CYP2A13: variants seen among roughly 807,000 people sequenced by gnomAD.
CYP2A13 encodes cytochrome P450 family 2 subfamily A member 13.
CYP2A13 carries 30 observed loss-of-function variants against 39.4 expected under a neutral mutation model. The observed-to-expected ratio is 0.76, with a 90% CI of 0.57 to 1.03. CYP2A13 has a LOEUF of 1.03. CYP2A13 is among the 50% of genes least tolerant of loss of function. The pLI is 0.00. For missense variants in CYP2A13, 731 were observed against 648.4 expected (o/e 1.13, Z -1.38); for synonymous variants, 269 against 254.7 (o/e 1.06, Z -0.54).
rs577367548 is a variant in CYP2A13 at position 41,096,083 on chromosome 19, A to T, written c.*142A>T. ...GAGGTGGTTAGAGGGAACAGAAGAA[A>T]CAGAAGGGGCTCAGTTCACCTTGAT... On this transcript the variant is annotated 3_prime_UTR_variant, in exon 9 of 9. Coordinates refer to ENST00000330436, the MANE Select transcript of CYP2A13 (RefSeq NM_000766.5). 1.6e-4 allele frequency: 204 copies of T among 1,265,874 alleles called. 1 individual carries two copies. The East Asian group carries it at 4.8e-3, about 30-fold the overall frequency. 78.4% of individuals were successfully genotyped at this position (1,265,874 alleles called of 1,614,324 possible). A position where few individuals can be genotyped will look rare whatever the true frequency, so the allele number is the denominator to read the frequency against.
rs113799141 is a variant in CYP2A13, at chr19:41,091,618, G to C, written c.655-114G>C. On this transcript the variant is annotated intron_variant, in intron 4 of 8. Transcript: ENST00000330436. ...ACCCCACTGAAATACCTAAACACCT[G>C]GACAGATGCCTTTAACTCCGTTCCT... 6.7e-6 allele frequency: 10 copies of C among 1,481,832 alleles called. No homozygotes were observed. In the East Asian group the frequency reaches 1.8e-4, roughly 27 times the overall value. 91.8% of individuals were successfully genotyped at this position (1,481,832 alleles called of 1,614,324 possible).
intron 3 of CYP2A13, 82 bp downstream of exon 3, chr19:41,090,278 CACTT>C: frequency 5.8e-6 from 9 of 1,560,556 alleles, no homozygotes; most frequent in Non-Finnish European, 4.3e-6. Context: ...AAGGGGCCCG[CACTT>C]CCAGCCCTGG....
rs2031200849 is a variant in CYP2A13 at position 41,091,988 on chromosome 19, A to G, written c.831+80A>G. The G allele has an allele frequency of 5.9e-5, 93 of 1,567,850 alleles. 3 individuals carry two copies. In the South Asian group the frequency reaches 1.1e-3, roughly 18 times the overall value. The stretch of plus-strand genomic sequence containing the variant: ...GATGGGAGTGGGGTGGGCAGACGAC[A>G]CAGGCCCATTCAAATTAGCCCTCGT... On this transcript the variant is annotated intron_variant, in intron 5 of 8. Transcript: ENST00000330436.
At chr19:41,092,961 T>C (rs1486178987) in intron 5 of CYP2A13, among the ~76,000 whole-genome samples, 1 of 152,172 alleles carries the variant, frequency 6.6e-6, no homozygotes, top group African/African-American at 2.4e-5. Flanking sequence ...TACTACTTTC[T>C]CTTCGTCTCC....
At chr19:41,091,587 C>T in intron 4 of CYP2A13, 145 bp from the exon 5 acceptor site, 2 of 1,288,806 alleles carry the variant, frequency 1.6e-6, no homozygotes, top group Non-Finnish European at 2.1e-6. Flanking sequence ...TATAAGTTTC[C>T]ATCCAACCCC....
At position 41,095,994 on chromosome 19, in the gene CYP2A13, G is replaced by A. The variant is rs992277505; in HGVS notation, c.*53G>A. On this transcript the variant is annotated 3_prime_UTR_variant, in exon 9 of 9. Coordinates refer to ENST00000330436, the MANE Select transcript of CYP2A13 (RefSeq NM_000766.5). ...TGGGCGGGGCCAGGGAAACGGCCGGGGCAGGGGCGGGGCTTGTGGGAGGGG... is the reference window on the plus strand; with the variant it reads ...TGGGCGGGGCCAGGGAAACGGCCGGAGCAGGGGCGGGGCTTGTGGGAGGGG... 3 of 1,593,850 alleles carry A rather than the reference G, an allele frequency of 1.9e-6. No individual in the cohort carries two copies. Among genetic ancestry groups the A allele is most frequent in the Non-Finnish European group, 2.6e-6 (3 of 1,167,100 alleles).
At position 41,093,006 on chromosome 19, in the gene CYP2A13, A is replaced by G. The variant is rs547291645; in HGVS notation, c.832-624A>G. 4.6e-5 allele frequency among the ~76,000 whole-genome samples: 7 copies of G among 152,236 alleles called. No individual in the cohort carries two copies. The South Asian group carries it at 1.2e-3, about 27-fold the overall frequency. On this transcript the variant is annotated intron_variant, in intron 5 of 8. Transcript: ENST00000330436. ...TCTCTTTCCAAATATTCCTATCATT[A>G]AAAAAGTAACAGACTGGGAAACATG...
chr19:41,094,140 C>T (rs544870662), intron 6 of CYP2A13, 105 bp from the exon 7 acceptor site: 61 of 1,506,228 alleles, frequency 4.0e-5, no homozygotes, highest in East Asian at 2.1e-4. Flanking sequence ...GGTCTACCTC[C>T]GTGTCATAGG....
intron 4 of CYP2A13, among the ~76,000 whole-genome samples, chr19:41,091,225 C>G (rs902995632): frequency 1.3e-5 from 2 of 152,200 alleles, no homozygotes; most frequent in Non-Finnish European, 2.9e-5. Flanking sequence ...AACACCTCAA[C>G]AGGTATCCCC....
intron 2 of CYP2A13, among the ~76,000 whole-genome samples, chr19:41,089,837 T>TG (rs2031133865): frequency 1.5e-5 from 2 of 131,666 alleles, no homozygotes; most frequent in Admixed American, 8.4e-5. Context: ...TCTCTCTCTC[T>TG]CTCTCTCTCT....
rs2031220739 is a variant in CYP2A13 at position 41,092,822 on chromosome 19, T to C, written c.832-808T>C. Among the ~76,000 whole-genome samples the C allele has an allele frequency of 2.0e-5, 3 of 152,150 alleles. No homozygotes were observed. In the South Asian group the frequency reaches 6.2e-4, roughly 32 times the overall value. Reference sequence around the variant, plus strand: ...GAATCCAAAGCTCAGGGAGAAAGGATCAAGGGAGGGATTCCTCCACAGTAA... The same window carrying C: ...GAATCCAAAGCTCAGGGAGAAAGGACCAAGGGAGGGATTCCTCCACAGTAA... On this transcript the variant is annotated intron_variant, in intron 5 of 8. Transcript: ENST00000330436.
In CYP2A13 at chr19:41,090,365, G is replaced by T. The variant is rs67927428; in HGVS notation, c.494-39G>T. The T allele has an allele frequency of 2.0e-4, 325 of 1,612,898 alleles. 2 individuals are homozygous for T. The East Asian group carries it at 6.3e-3, about 31-fold the overall frequency. On this transcript the variant is annotated intron_variant, in intron 3 of 8. Transcript: ENST00000330436. ...CTGACTCTCCTCAGACCTCTGAGTTGACTCTCTCCCCAACCCCCTTCTCCC... is the reference window on the plus strand; with the variant it reads ...CTGACTCTCCTCAGACCTCTGAGTTTACTCTCTCCCCAACCCCCTTCTCCC...
chr19:41,093,604 T>G, intron 5 of CYP2A13, 26 bp from the exon 6 acceptor site: 1 of 1,613,742 alleles, frequency 6.2e-7, no homozygotes, highest in Non-Finnish European at 8.5e-7. Context: ...AGAGTGAGCT[T>G]GGTCTAAACC....
Position 41,088,647 on chromosome 19 carries a change from T to C in CYP2A13, c.176T>C (p.Met59Thr). The change falls in exon 1 of 9, where the codon ATG (methionine) becomes ACG (threonine). Residue 59 changes from methionine (M) to threonine (T), a missense_variant. Physicochemically the swap from Met to Thr is moderately conservative, Grantham distance 81. Transcript: ENST00000330436. ...LNTEQMYNSL[M>T]KISERYGPVF... Reference sequence around the variant, plus strand: ...ACAGAGCAGATGTACAACTCCCTCATGAAGGTGTCCTAAGGCAGGGAGATG... The same window carrying C: ...ACAGAGCAGATGTACAACTCCCTCACGAAGGTGTCCTAAGGCAGGGAGATG... 1 of 1,613,238 alleles carries C rather than the reference T, an allele frequency of 6.2e-7. No individual in the cohort carries two copies. Among genetic ancestry groups the C allele is most frequent in the Non-Finnish European group, 8.5e-7 (1 of 1,179,452 alleles).
rs375894456 is a variant in CYP2A13, at chr19:41,090,398, C to T, written c.494-6C>T. 8.1e-6 allele frequency: 13 copies of T among 1,613,974 alleles called. No homozygotes were observed. In the African/African-American group the frequency reaches 9.3e-5, roughly 12 times the overall value. On this transcript the variant is annotated splice_region_variant and splice_polypyrimidine_tract_variant and intron_variant, in intron 3 of 8. Coordinates refer to ENST00000330436, the MANE Select transcript of CYP2A13 (RefSeq NM_000766.5). The stretch of plus-strand genomic sequence containing the variant: ...CCCCAACCCCCTTCTCCCGCCACAC[C>T]TGCAGGCGCCAATATCGATCCCACC...
At position 41,090,344 on chromosome 19, in the gene CYP2A13, C is replaced by T. The variant is rs1599654012; in HGVS notation, c.494-60C>T. ...AGGGCCCTGCCTCCTGGAATTCTGA[C>T]TCTCCTCAGACCTCTGAGTTGACTC... On this transcript the variant is annotated intron_variant, in intron 3 of 8. Transcript: ENST00000330436. 3.7e-6 allele frequency: 6 copies of T among 1,608,420 alleles called. No individual in the cohort carries two copies. In the East Asian group the frequency reaches 1.1e-4, roughly 30 times the overall value.
rs372286804 is a variant in CYP2A13 at position 41,088,652 on chromosome 19, G to A, written c.180+1G>A. 5.1e-5 allele frequency: 83 copies of A among 1,612,584 alleles called. No individual in the cohort carries two copies. The Middle Eastern group carries it at 6.6e-4, about 13-fold the overall frequency. On this transcript the variant is annotated splice_donor_variant, in intron 1 of 8. Coordinates refer to ENST00000330436, the MANE Select transcript of CYP2A13 (RefSeq NM_000766.5). LOFTEE classifies it high-confidence loss of function. The stretch of plus-strand genomic sequence containing the variant: ...GCAGATGTACAACTCCCTCATGAAG[G>A]TGTCCTAAGGCAGGGAGATGGGTGG...
intron 4 of CYP2A13, 68 bp downstream of exon 4, chr19:41,090,632 A>G (rs1184429710): frequency 6.2e-7 from 1 of 1,608,098 alleles, no homozygotes; most frequent in East Asian, 2.2e-5. Flanking sequence ...ACCTGGAGAC[A>G]GGTGCCCCAA....
rs1011918653 is a variant in CYP2A13 at position 41,090,462 on chromosome 19, C to T, written c.552C>T (p.Ser184=). ...LSRTVSNVIS[S]IVFGDRFDYE... is the part of the protein sequence containing the mutation. ...GCACAGTCTCCAATGTCATCAGCTC[C>T]ATTGTCTTTGGGGACCGCTTTGACT... Residue 184 remains serine (S), a synonymous_variant, in exon 4 of 9, where the codon TCC becomes TCT. Coordinates refer to ENST00000330436, the MANE Select transcript of CYP2A13 (RefSeq NM_000766.5). 6.2e-7 allele frequency: 1 copy of T among 1,614,196 alleles called. No individual in the cohort carries two copies. Among genetic ancestry groups the T allele is most frequent in the Non-Finnish European group, 8.5e-7 (1 of 1,180,034 alleles).
Sources: allele counts gnomAD v4.1 joint callset (sites outside exome capture counted in the v4.1 genomes callset), GRCh38; gene constraint gnomAD v4.1.1; transcripts MANE v1.5; gene names NCBI Gene and HGNC (gene_info 2026-07-23, HGNC 2026-07-21).